ENTPD1: variants seen among roughly 807,000 people sequenced by gnomAD.
The protein encoded by ENTPD1 is ATP diphosphohydrolase.
In ENTPD1, 33 loss-of-function variants were observed where a neutral mutation model predicts 57.0. The observed-to-expected ratio is 0.58, with a 90% CI of 0.44 to 0.77. The LOEUF (loss-of-function observed/expected upper bound fraction) is 0.77, where lower values mean the gene tolerates loss of function less well. ENTPD1 is among the 30% of genes least tolerant of loss of function. ENTPD1 has a pLI of 0.00. For synonymous variants in ENTPD1, 202 were observed against 218.8 expected, an observed-to-expected ratio of 0.92 and a Z score of 0.68; for missense variants, 501 against 603.4, an observed-to-expected ratio of 0.83 and a Z score of 1.78.
intron 1 of ENTPD1, chr10:95,785,218 T>TCTTGTTC (rs2098174379): frequency 6.6e-6 from 1 of 152,212 alleles, no homozygotes; most frequent in Non-Finnish European, 1.5e-5. Context: ...CAAGGGCATC[T>TCTTGTTC]CTTGTTCCAG....
In ENTPD1 at chr10:95,791,582, A is replaced by G. The variant is rs914013173; in HGVS notation, c.17-31655A>G. Among the ~76,000 whole-genome samples, 6 of 152,228 alleles carry G rather than the reference A, an allele frequency of 3.9e-5. No individual in the cohort carries two copies. The highest frequency in any genetic ancestry group is 7.3e-5 in the Non-Finnish European group (5 of 68,040). On this transcript the variant is annotated intron_variant, in intron 1 of 9. Coordinates refer to ENST00000371205, the MANE Select transcript of ENTPD1 (RefSeq NM_001776.6). The surrounding 1 kb of genome is among the most constrained non-coding windows in gnomAD (Gnocchi z 4.1). ...GACATGTCTGGCAATGGCTTAGACT[A>G]CCTGGATATGCACTTCTGTCCCATC...
intron 1 of ENTPD1, among the ~76,000 whole-genome samples, chr10:95,734,222 C>G (rs899495122): frequency 1.1e-4 from 16 of 152,176 alleles, no homozygotes; most frequent in Non-Finnish European, 1.6e-4. Flanking sequence ...GATGCACTTT[C>G]CCCAGATTCT....
the ENTPD1 span, among the ~76,000 whole-genome samples, chr10:95,700,005 A>C: frequency 6.6e-6 from 1 of 152,218 alleles, no homozygotes; most frequent in African/African-American, 2.4e-5. Context: ...TCGAAGGTCT[A>C]TATGGTATAT....
In ENTPD1 at chr10:95,735,742, C is replaced by T. The variant is rs199932881; in HGVS notation, c.37+23749C>T. ...TCCCGAGTAGCTGGGATTACAGGTGCGCACCACCATGCTCGGCTAATTTTT... is the reference window on the plus strand; with the variant it reads ...TCCCGAGTAGCTGGGATTACAGGTGTGCACCACCATGCTCGGCTAATTTTT... On this transcript the variant is annotated intron_variant, in intron 1 of 9. Transcript: ENST00000453258. 2.8e-4 allele frequency among the ~76,000 whole-genome samples: 42 copies of T among 151,920 alleles called. 1 individual carries two copies. In the East Asian group the frequency reaches 7.4e-3, roughly 27 times the overall value.
chr10:95,872,850 C>T lies in ENTPD1; in HGVS notation c.*6467C>T. 1.0e-6 allele frequency: 1 copy of T among 985,374 alleles called. No individual in the cohort carries two copies. The highest frequency in any genetic ancestry group is 1.1e-4 in the East Asian group (1 of 8,814). 61.0% of individuals were successfully genotyped at this position (985,374 alleles called of 1,614,324 possible). A position where few individuals can be genotyped will look rare whatever the true frequency, so the allele number is the denominator to read the frequency against. On this transcript the variant is annotated 3_prime_UTR_variant, in exon 10 of 10. Transcript: ENST00000371205. ...TAAGAACCAGCCCAACTCCTGGTTC[C>T]CTGATGAAGCTTTTATTCCCCTAGC... is the stretch of plus-strand genomic sequence containing the variant.
intron 1 of ENTPD1, among the ~76,000 whole-genome samples, chr10:95,738,505 A>G (rs1168168183): frequency 6.6e-6 from 1 of 152,186 alleles, no homozygotes; most frequent in Non-Finnish European, 1.5e-5. Context: ...AAAGCTGGAT[A>G]TAGTGGGCAG....
chr10:95,828,428 T>C lies in ENTPD1; in HGVS notation c.144+5064T>C, dbSNP rs557902212. On this transcript the variant is annotated intron_variant, in intron 2 of 9. Coordinates refer to ENST00000371205, the MANE Select transcript of ENTPD1 (RefSeq NM_001776.6). ...ATTATGTATTACAATGTAATAAAAA[T>C]AGAAATAAGGTAGTTCACAATAAGT... Among the ~76,000 whole-genome samples the C allele has an allele frequency of 3.3e-5, 5 of 152,250 alleles. No homozygotes were observed. In the South Asian group the frequency reaches 6.2e-4, roughly 19 times the overall value.
chr10:95,831,947 T>C (rs901117223), intron 2 of ENTPD1, among the ~76,000 whole-genome samples: 1 of 152,256 alleles, frequency 6.6e-6, no homozygotes, highest in Non-Finnish European at 1.5e-5. Context: ...TTGTAGGCCC[T>C]GGCATATATT....
chr10:95,827,682 C>T (rs575456085), intron 2 of ENTPD1, among the ~76,000 whole-genome samples: 1 of 152,188 alleles, frequency 6.6e-6, no homozygotes, highest in Non-Finnish European at 1.5e-5. Flanking sequence ...CGGGGTTTCA[C>T]CTTGTTGGCC....
At chr10:95,816,148 C>T (rs1319736713) in intron 1 of ENTPD1, among the ~76,000 whole-genome samples, 1 of 152,192 alleles carries the variant, frequency 6.6e-6, no homozygotes, top group Non-Finnish European at 1.5e-5. Flanking sequence ...ATTCAATTAA[C>T]ACTTTAATGT....
intron 1 of ENTPD1, among the ~76,000 whole-genome samples, chr10:95,719,097 A>C (rs1208733703): frequency 6.6e-6 from 1 of 152,156 alleles, no homozygotes; most frequent in Non-Finnish European, 1.5e-5. Context: ...GTATTATTTT[A>C]ACTGCTTCAG....
intron 1 of ENTPD1, among the ~76,000 whole-genome samples, chr10:95,800,087 C>T (rs1395041315): frequency 6.6e-6 from 1 of 152,208 alleles, no homozygotes; most frequent in African/African-American, 2.4e-5. Flanking sequence ...TGTCTGCTTA[C>T]TCTGTTGATA....
rs1381107052 is a variant in ENTPD1, at chr10:95,847,713, T to C, written c.1074+7T>C. 1.9e-6 allele frequency: 3 copies of C among 1,614,072 alleles called. No homozygotes were observed. Among genetic ancestry groups the C allele is most frequent in the Admixed American group, 3.3e-5 (2 of 60,024 alleles). ...ACTCCAGGGGGATTTTGGGGTAAGTTTGTGAAATGATGAGGTATAGGATGT... is the reference window on the plus strand; with the variant it reads ...ACTCCAGGGGGATTTTGGGGTAAGTCTGTGAAATGATGAGGTATAGGATGT... On this transcript the variant is annotated splice_region_variant and intron_variant, in intron 7 of 9. Transcript: ENST00000371205.
the ENTPD1 span, among the ~76,000 whole-genome samples, chr10:95,704,273 G>A: frequency 2.6e-5 from 4 of 152,000 alleles, no homozygotes. Context: ...GCATTTTTGG[G>A]TAAAAATTGA....
chr10:95,782,638 T>C (rs185129287), intron 1 of ENTPD1, among the ~76,000 whole-genome samples: 47 of 152,250 alleles, frequency 3.1e-4, no homozygotes, highest in African/African-American at 1.1e-3. Flanking sequence ...CTAGGCTAGG[T>C]GGTGATGAAC....
At chr10:95,764,274 C>T (rs117726095) in intron 1 of ENTPD1, among the ~76,000 whole-genome samples, 5,677 of 152,256 alleles carry the variant, frequency 0.037, 131 homozygotes, top group Non-Finnish European at 0.049. Flanking sequence ...AATGTATATA[C>T]CACATTTTAT....
chr10:95,735,801 T>G (rs936230298), intron 1 of ENTPD1, among the ~76,000 whole-genome samples: 1 of 151,854 alleles, frequency 6.6e-6, no homozygotes, highest in African/African-American at 2.4e-5. Flanking sequence ...TTCACCGTGT[T>G]GTCCAGGCTG....
At chr10:95,706,038 G>A in the ENTPD1 span, among the ~76,000 whole-genome samples, 1 of 152,246 alleles carries the variant, frequency 6.6e-6, no homozygotes, top group Non-Finnish European at 1.5e-5. Flanking sequence ...GGTCAAGGCT[G>A]CAGTGAGCAG....
rs1566278508 is a variant in ENTPD1, at chr10:95,876,597, A to G, written c.*10214A>G. On this transcript the variant is annotated 3_prime_UTR_variant, in exon 10 of 10. Transcript: ENST00000371205. ...TACATGGAGAATACAGGATGAATCC[A>G]CTCTGTCTCCTGCAGTGAAGTCTGT... is the stretch of plus-strand genomic sequence containing the variant. 1.6e-6 allele frequency: 2 copies of G among 1,230,196 alleles called. No homozygotes were observed. Among genetic ancestry groups the G allele is most frequent in the Non-Finnish European group, 2.0e-6 (2 of 987,306 alleles). The allele number at this position is 1,230,196 out of a possible 1,614,324, so 76.2% of individuals were successfully genotyped here. A position where few individuals can be genotyped will look rare whatever the true frequency, so the allele number is the denominator to read the frequency against.
Sources: gnomAD v4.1 joint callset for allele counts (sites outside exome capture counted in the v4.1 genomes callset) on GRCh38, gnomAD v4.1.1 for gene constraint, Gnocchi (gnomAD v3.1) non-coding constraint, MANE v1.5 for transcripts, NCBI Gene and HGNC (gene_info 2026-07-23, HGNC 2026-07-21) for gene names.